RAP1GAP: variants seen among roughly 807,000 people sequenced by gnomAD.
RAP1GAP encodes the protein rap1 GTPase-activating protein 1.
Under a neutral mutation model 87.2 loss-of-function variants are expected in RAP1GAP, and 35 were observed. That is an observed-to-expected ratio of 0.40 (90% CI 0.31 to 0.53). The LOEUF is 0.53. Ranked by LOEUF, RAP1GAP falls within the 20% of genes least tolerant of loss-of-function variation. RAP1GAP has a pLI of 0.48. For synonymous variants in RAP1GAP, 375 were observed against 363.9 expected, an observed-to-expected ratio of 1.03 and a Z score of -0.35; for missense variants, 734 against 898.9, an observed-to-expected ratio of 0.82 and a Z score of 2.35.
At position 21,626,312 on chromosome 1, in the gene RAP1GAP, A is replaced by G; in HGVS notation, c.-27T>C. 1.2e-6 allele frequency: 2 copies of G among 1,603,650 alleles called. No homozygotes were observed. The highest frequency in any genetic ancestry group is 1.7e-6 in the Non-Finnish European group (2 of 1,170,598). ...TGGAGGGGGACACTTACCTTAGGGT[A>G]GAGTGAAGGAGTATAGGAGGGAACT... On this transcript the variant is annotated 5_prime_UTR_variant, in exon 3 of 25. Transcript: ENST00000374765.
intron 2 of RAP1GAP, among the ~76,000 whole-genome samples, chr1:21,636,922 GAGGGAGGGAGGGAGGGAGGGAGGA>G (rs1399425014): frequency 4.8e-4 from 59 of 123,762 alleles, no homozygotes; most frequent in African/African-American, 1.4e-3. Context: ...GGAAGGGAGG[GAGGGAGGGAGGGAGGGAGGGAGGA>G]AGGGAGGGAG....
intron 1 of RAP1GAP, among the ~76,000 whole-genome samples, chr1:21,658,330 G>C (rs550358545): frequency 9.5e-4 from 145 of 152,288 alleles, no homozygotes; most frequent in Non-Finnish European, 8.4e-4. Flanking sequence ...CACTTTGGGA[G>C]GCTGAGGCGG....
Position 21,603,276 on chromosome 1 carries a change from T to C in RAP1GAP, c.1429-363A>G, listed in dbSNP as rs575172799. ...CCTAAGGGCAGTGGTCAGAGGGCAG[T>C]GTAGCAACCCAAGTCCCACCCCGTG... On this transcript the variant is annotated intron_variant, in intron 18 of 24. Coordinates refer to ENST00000374765, the MANE Select transcript of RAP1GAP (RefSeq NM_002885.4). The surrounding 1 kb of genome is among the most constrained non-coding windows in gnomAD (Gnocchi z 6.0). 5.6e-5 allele frequency: 22 copies of C among 391,588 alleles called. No homozygotes were observed. Among genetic ancestry groups the C allele is most frequent in the African/African-American group, 3.5e-4 (17 of 49,116 alleles). 24.3% of individuals were successfully genotyped at this position (391,588 alleles called of 1,614,324 possible).
Position 21,613,696 on chromosome 1 carries a change from G to A in RAP1GAP, c.406C>T (p.Arg136Trp), listed in dbSNP as rs774920713. Residue 136 changes from arginine to tryptophan, a missense_variant, in exon 9 of 25, where the codon CGG becomes TGG. Physicochemically the swap from Arg to Trp is moderately radical, Grantham distance 101. This residue lies in a region of RAP1GAP where 485 missense variants were observed against 646.2 expected (regional missense o/e 0.75). Coordinates refer to ENST00000374765, the MANE Select transcript of RAP1GAP (RefSeq NM_002885.4). This position sits in a 1 kb window ranked among gnomAD's most constrained non-coding sequence, Gnocchi z 4.7. ...ATGGGGATGACATCATGGTATGTCC[G>A]GCACTTGGTCCTGAGAAGAGAAAGT... ...HLRLLLRTKC[R>W]TYHDVIPISC... 15 of 1,612,598 alleles carry A rather than the reference G, an allele frequency of 9.3e-6. No homozygotes were observed. The highest frequency in any genetic ancestry group is 4.0e-5 in the African/African-American group (3 of 74,862).
chr1:21,665,663 T>C (rs949080199), intron 1 of RAP1GAP, among the ~76,000 whole-genome samples: 5 of 152,256 alleles, frequency 3.3e-5, no homozygotes, highest in Admixed American at 1.3e-4. Flanking sequence ...CTGACAGTGC[T>C]GGTCTTTAGC....
Position 21,599,523 on chromosome 1 carries a change from C to T in RAP1GAP, c.1747G>A (p.Glu583Lys). 2 of 1,609,708 alleles carry T rather than the reference C, an allele frequency of 1.2e-6. No individual in the cohort carries two copies. Among genetic ancestry groups the T allele is most frequent in the Non-Finnish European group, 1.7e-6 (2 of 1,179,978 alleles). The change falls in exon 21 of 25, where the codon GAG (glutamate) becomes AAG (lysine). Residue 583 changes from glutamate to lysine, a missense_variant. Around this residue, in one of 2 missense-constraint regions of RAP1GAP, gnomAD observed 249 missense variants for 252.7 expected, o/e 0.99. Coordinates refer to ENST00000374765, the MANE Select transcript of RAP1GAP (RefSeq NM_002885.4). ...CCTGTGTCCTCTCCGTCCACACCCTCCGTCTCCTCCACCACGCTGGCGAAG... is the reference window on the plus strand; with the variant it reads ...CCTGTGTCCTCTCCGTCCACACCCTTCGTCTCCTCCACCACGCTGGCGAAG... Reference protein sequence around the residue: ...SSFASVVEETEGVDGEDTGLE... With the variant: ...SSFASVVEETKGVDGEDTGLE...
Position 21,615,229 on chromosome 1 carries a change from G to A in RAP1GAP, c.292-1140C>T, listed in dbSNP as rs960073722. 6.6e-6 allele frequency among the ~76,000 whole-genome samples: 1 copy of A among 152,112 alleles called. No homozygotes were observed. Among genetic ancestry groups the A allele is most frequent in the African/African-American group, 2.4e-5 (1 of 41,406 alleles). On this transcript the variant is annotated intron_variant, in intron 7 of 24. Coordinates refer to ENST00000374765, the MANE Select transcript of RAP1GAP (RefSeq NM_002885.4). This position sits in a 1 kb window ranked among gnomAD's most constrained non-coding sequence, Gnocchi z 4.5. ...GGGCTCAGGGTCCCAGGAAGTCAAC[G>A]CCCAAAGTCATCCTAACCTCCCCTC...
intron 18 of RAP1GAP, among the ~76,000 whole-genome samples, chr1:21,605,308 C>T (rs2073614052): frequency 6.6e-6 from 1 of 152,176 alleles, no homozygotes; most frequent in African/African-American, 2.4e-5. Flanking sequence ...GGCAGCCACA[C>T]CACAGAGGCC....
chr1:21,606,458 G>T (rs374444566), intron 17 of RAP1GAP, among the ~76,000 whole-genome samples: 1 of 152,306 alleles, frequency 6.6e-6, no homozygotes, highest in Admixed American at 6.5e-5. Flanking sequence ...CCAACTTGCC[G>T]GGTGGCCTTG....
intron 20 of RAP1GAP, among the ~76,000 whole-genome samples, chr1:21,600,005 G>C (rs1767444): frequency 6.6e-6 from 1 of 151,914 alleles, no homozygotes; most frequent in Admixed American, 6.6e-5. Flanking sequence ...TTATCTTATC[G>C]CTATGATTAT....
rs541615464 is a variant in RAP1GAP, at chr1:21,615,684, G to A, written c.292-1595C>T. Among the ~76,000 whole-genome samples, 14 of 152,196 alleles carry A rather than the reference G, an allele frequency of 9.2e-5. No homozygotes were observed. Among genetic ancestry groups the A allele is most frequent in the Middle Eastern group, 3.4e-3 (1 of 294 alleles). ...TGGGATTACAGGTATAAGCCAGGGC[G>A]CCCAGCTGCCTCTTCTGACCCTCCA... On this transcript the variant is annotated intron_variant, in intron 7 of 24. Transcript: ENST00000374765. This position sits in a 1 kb window ranked among gnomAD's most constrained non-coding sequence, Gnocchi z 4.5.
chr1:21,617,210 C>T, intron 7 of RAP1GAP, 96 bp downstream of exon 7: 8 of 1,390,912 alleles, frequency 5.8e-6, no homozygotes, highest in Non-Finnish European at 7.8e-6. Flanking sequence ...TCACCCAGCC[C>T]TGGCCCATGG....
chr1:21,626,437 C>T, intron 2 of RAP1GAP, 40 bp from the exon 3 acceptor site: 1 of 1,546,404 alleles, frequency 6.5e-7, no homozygotes, highest in South Asian at 1.1e-5. Flanking sequence ...GAGCCCCAAG[C>T]CAGGAAATTT....
chr1:21,634,269 G>T lies in RAP1GAP; in HGVS notation c.-112-7872C>A, dbSNP rs2094336314. ...TAAGCAGACAGGCACAGGCACGGGA[G>T]GCTCCTGTGTCCCCTTTCCCTGGGC... On this transcript the variant is annotated intron_variant, in intron 2 of 24. Transcript: ENST00000374765. This position sits in a 1 kb window ranked among gnomAD's most constrained non-coding sequence, Gnocchi z 4.1. Among the ~76,000 whole-genome samples, 1 of 152,176 alleles carries T rather than the reference G, an allele frequency of 6.6e-6. No individual in the cohort carries two copies. Among genetic ancestry groups the T allele is most frequent in the South Asian group, 2.1e-4 (1 of 4,834 alleles).
At chr1:21,654,807 G>C (rs992603086) in intron 1 of RAP1GAP, among the ~76,000 whole-genome samples, 1 of 150,880 alleles carries the variant, frequency 6.6e-6, no homozygotes, top group African/African-American at 2.4e-5. Flanking sequence ...ACTCCAGCCT[G>C]GGTGACAGAG....
intron 1 of RAP1GAP, among the ~76,000 whole-genome samples, chr1:21,659,789 T>C (rs1160259067): frequency 6.6e-6 from 1 of 152,198 alleles, no homozygotes; most frequent in Admixed American, 6.5e-5. Context: ...CCCCTTCTAG[T>C]TCCCGAGGCC....
At chr1:21,653,125 T>C (rs1316862980) in intron 1 of RAP1GAP, 1 of 152,038 alleles carries the variant, frequency 6.6e-6, no homozygotes, top group Non-Finnish European at 1.5e-5. Flanking sequence ...GGTCTACGGT[T>C]TGTCTCACCT....
At chr1:21,649,129 G>A (rs1346995602) in intron 2 of RAP1GAP, among the ~76,000 whole-genome samples, 3 of 152,216 alleles carry the variant, frequency 2.0e-5, no homozygotes, top group East Asian at 3.9e-4. Context: ...AGGGTGCCAC[G>A]ATGTATCCCG....
rs772958440 is a variant in RAP1GAP, at chr1:21,602,890, G to A, written c.1452C>T (p.Ser484=). ...AGISLIVPGK[S]PTRKKSGPFG... ...ACGGGCCCGACTTCTTCCTCGTGGGGCTCTTCCCAGGGACAATCAGTGACT... is the reference window on the plus strand; with the variant it reads ...ACGGGCCCGACTTCTTCCTCGTGGGACTCTTCCCAGGGACAATCAGTGACT... The change falls in exon 19 of 25, where the codon AGC becomes AGT. Residue 484 remains serine, a synonymous_variant. Coordinates refer to ENST00000374765, the MANE Select transcript of RAP1GAP (RefSeq NM_002885.4). The A allele has an allele frequency of 1.8e-5, 29 of 1,610,102 alleles. No homozygotes were observed. The highest frequency in any genetic ancestry group is 2.4e-5 in the Non-Finnish European group (28 of 1,179,524).
Sources: allele counts gnomAD v4.1 joint callset (sites outside exome capture counted in the v4.1 genomes callset), GRCh38; gene constraint gnomAD v4.1.1; regional missense constraint gnomAD v4.1.1; non-coding constraint Gnocchi (gnomAD v3.1); transcripts MANE v1.5; gene names NCBI Gene and HGNC (gene_info 2026-07-23, HGNC 2026-07-21).